PARL: variants seen among roughly 807,000 people sequenced by gnomAD.
PARL encodes the protein presenilin associated rhomboid like.
PARL carries 44 observed loss-of-function variants against 51.6 expected under a neutral mutation model. That is an observed-to-expected ratio of 0.85 (90% CI 0.67 to 1.10). The LOEUF (loss-of-function observed/expected upper bound fraction) is 1.10, where lower values mean the gene tolerates loss of function less well. Ranked by LOEUF, PARL falls within the 50% of genes least tolerant of loss-of-function variation. The pLI, the probability that PARL is intolerant of heterozygous loss-of-function variation, is 0.00. For missense variants in PARL, 441 were observed against 469.5 expected, an observed-to-expected ratio of 0.94 and a Z score of 0.56; for synonymous variants, 172 against 164.0, an observed-to-expected ratio of 1.05 and a Z score of -0.37.
chr3:183,833,342 G>A (rs1650220115), intron 9 of PARL, 150 bp downstream of exon 9: 2 of 695,686 alleles, frequency 2.9e-6, no homozygotes, highest in Admixed American at 2.0e-5. Flanking sequence ...CCACGTTGAG[G>A]TTTCCTCACC....
At position 183,842,185 on chromosome 3, in the gene PARL, T is replaced by C. The variant is rs1414474364; in HGVS notation, c.757+113A>G. 6.1e-5 allele frequency: 64 copies of C among 1,051,402 alleles called. 1 individual carries two copies. Among genetic ancestry groups the C allele is most frequent in the Non-Finnish European group, 9.0e-5 (61 of 676,256 alleles). 65.1% of individuals were successfully genotyped at this position (1,051,402 alleles called of 1,614,324 possible). A position where few individuals can be genotyped will look rare whatever the true frequency, so the allele number is the denominator to read the frequency against. On this transcript the variant is annotated intron_variant, in intron 6 of 9. Coordinates refer to ENST00000317096, the MANE Select transcript of PARL (RefSeq NM_018622.7). Reference sequence around the variant, plus strand: ...CTACATACACTGTGAGAAACAAATATGTTCTGAGCACTCACTACGTGTAGA... The same window carrying C: ...CTACATACACTGTGAGAAACAAATACGTTCTGAGCACTCACTACGTGTAGA...
In PARL at chr3:183,882,244, TTTATA is replaced by T. The variant is rs1560442185; in HGVS notation, c.125+2473_125+2477del. Among the ~76,000 whole-genome samples the T allele has an allele frequency of 1.0e-3, 20 of 19,466 alleles. 1 individual carries two copies. The highest frequency in any genetic ancestry group is 1.9e-3 in the Non-Finnish European group (18 of 9,688). The allele number at this position is 19,466 out of a possible 152,430, so 12.8% of individuals were successfully genotyped here. A position where few individuals can be genotyped will look rare whatever the true frequency, so the allele number is the denominator to read the frequency against. On this transcript the variant is annotated intron_variant, in intron 1 of 9. Transcript: ENST00000317096. ...AAAAATATATATATATATATATATA[TTTATA>T]TATATATATATATATATATTTATAT... is the stretch of plus-strand genomic sequence containing the variant.
intron 4 of PARL, among the ~76,000 whole-genome samples, chr3:183,851,771 C>G (rs903912720): frequency 6.6e-6 from 1 of 152,100 alleles, no homozygotes; most frequent in South Asian, 2.1e-4. Flanking sequence ...CACAAATACT[C>G]AATAAGCACA....
At chr3:183,855,703 G>A (rs973672375) in intron 4 of PARL, among the ~76,000 whole-genome samples, 1 of 152,124 alleles carries the variant, frequency 6.6e-6, no homozygotes, top group Non-Finnish European at 1.5e-5. Flanking sequence ...TGGGTATGAT[G>A]GGAGACAGTA....
Position 183,884,812 on chromosome 3 carries a change from C to CCCCAGCCTCTCTGCG in PARL, c.20_34dup (p.Ala7_Trp11dup), listed in dbSNP as rs778906470. On this transcript the variant is annotated inframe_insertion, in exon 1 of 10. Coordinates refer to ENST00000317096, the MANE Select transcript of PARL (RefSeq NM_018622.7). ...CGACGCACCCCACGCCTGGCCGCAG[C>CCCCAGCCTCTCTGCG]CCCAGCCTCTCTGCGCCCAGCCTCG... is the stretch of plus-strand genomic sequence containing the variant. The CCCCAGCCTCTCTGCG allele has an allele frequency of 8.0e-5, 127 of 1,597,028 alleles. No homozygotes were observed. The highest frequency in any genetic ancestry group is 9.2e-5 in the Non-Finnish European group (108 of 1,178,670).
At chr3:183,880,267 A>T (rs1734292477) in intron 1 of PARL, among the ~76,000 whole-genome samples, 2 of 152,112 alleles carry the variant, frequency 1.3e-5, no homozygotes, top group African/African-American at 4.8e-5. Flanking sequence ...AACTCACGAC[A>T]GCAGGCCTGC....
At chr3:183,832,799 C>A (rs1282535716) in intron 9 of PARL, among the ~76,000 whole-genome samples, 1 of 152,144 alleles carries the variant, frequency 6.6e-6, no homozygotes, top group Non-Finnish European at 1.5e-5. Flanking sequence ...TGCTGTGACC[C>A]AAGGAAGCAG....
rs748977455 is a variant in PARL, at chr3:183,884,837, G to C, written c.10C>G (p.Arg4Gly). 2 of 1,597,120 alleles carry C rather than the reference G, an allele frequency of 1.3e-6. No homozygotes were observed. Among genetic ancestry groups the C allele is most frequent in the African/African-American group, 2.7e-5 (2 of 74,928 alleles). Residue 4 changes from arginine (R) to glycine (G), a missense_variant, in exon 1 of 10, where the codon CGA (arginine) becomes GGA (glycine). Physicochemically the swap from Arg to Gly is moderately radical, Grantham distance 125. Coordinates refer to ENST00000317096, the MANE Select transcript of PARL (RefSeq NM_018622.7). MAWRGWAQRGWGCG... is the reference protein window; with the variant it reads MAWGGWAQRGWGCG... ...CCCCAGCCTCTCTGCGCCCAGCCTCGCCACGCCATCTTCCCAACCTCTGCC... is the reference window on the plus strand; with the variant it reads ...CCCCAGCCTCTCTGCGCCCAGCCTCCCCACGCCATCTTCCCAACCTCTGCC...
downstream of PARL, among the ~76,000 whole-genome samples, chr3:183,828,448 T>C (rs1727583637): frequency 6.6e-6 from 1 of 152,240 alleles, no homozygotes; most frequent in African/African-American, 2.4e-5. Context: ...GGCAAAATGA[T>C]GGCTAAGATA....
At chr3:183,837,302 C>T (rs566935289) in intron 7 of PARL, among the ~76,000 whole-genome samples, 22 of 151,764 alleles carry the variant, frequency 1.4e-4, no homozygotes, top group Non-Finnish European at 2.5e-4. Context: ...GGCCTCATAT[C>T]GATCATCCCT....
chr3:183,882,416 T>TAGAGAG (rs146955187), intron 1 of PARL, among the ~76,000 whole-genome samples: 1 of 104,396 alleles, frequency 9.6e-6, no homozygotes, highest in Non-Finnish European at 2.2e-5. Context: ...CACATATATA[T>TAGAGAG]AGAGAGAGAG....
chr3:183,843,299 GTTGA>G (rs1371468106), intron 5 of PARL: 1 of 985,210 alleles, frequency 1.0e-6, no homozygotes, highest in East Asian at 1.1e-4. Flanking sequence ...TATGGCAAAA[GTTGA>G]TTAGAAAAAA....
intron 4 of PARL, among the ~76,000 whole-genome samples, chr3:183,855,825 T>C (rs1441445912): frequency 1.3e-5 from 2 of 152,116 alleles, no homozygotes; most frequent in Non-Finnish European, 2.9e-5. Context: ...CCAGGCGTGA[T>C]GACAGGTGCC....
chr3:183,842,681 G>A (rs935961043), intron 5 of PARL, among the ~76,000 whole-genome samples: 16 of 151,142 alleles, frequency 1.1e-4, no homozygotes, highest in African/African-American at 3.2e-4. Flanking sequence ...GGTGGCGCAC[G>A]TTTGTAATTC....
intron 1 of PARL, chr3:183,883,751 A>T (rs1734813081): frequency 1.5e-5 from 14 of 957,404 alleles, no homozygotes; most frequent in Non-Finnish European, 1.7e-5. Flanking sequence ...TTCACCTGGA[A>T]TGCTTGTCGG....
chr3:183,831,807 A>T (rs1727972958), intron 9 of PARL, among the ~76,000 whole-genome samples: 1 of 152,218 alleles, frequency 6.6e-6, no homozygotes, highest in Non-Finnish European at 1.5e-5. Flanking sequence ...AGAAAAGATG[A>T]ATTCTGGACA....
chr3:183,858,550 GA>G (rs1365557577), intron 4 of PARL, among the ~76,000 whole-genome samples: 1 of 152,040 alleles, frequency 6.6e-6, no homozygotes, highest in African/African-American at 2.4e-5. Flanking sequence ...TAATTTAGCT[GA>G]TTTTTTCCTG....
chr3:183,833,985 T>C (rs750494011), intron 7 of PARL, among the ~76,000 whole-genome samples, 160 bp from the exon 8 acceptor site: 1 of 152,204 alleles, frequency 6.6e-6, no homozygotes. Flanking sequence ...TCCCCAATAA[T>C]AGGTGAAGGA....
At chr3:183,852,357 A>G (rs1730642669) in intron 4 of PARL, among the ~76,000 whole-genome samples, 1 of 152,214 alleles carries the variant, frequency 6.6e-6, no homozygotes, top group African/African-American at 2.4e-5. Context: ...AATATCGACG[A>G]ACCATTAAAA....
Sources: allele counts gnomAD v4.1 joint callset (sites outside exome capture counted in the v4.1 genomes callset), GRCh38; gene constraint gnomAD v4.1.1; transcripts MANE v1.5; gene names NCBI Gene and HGNC (gene_info 2026-07-23, HGNC 2026-07-21).